SYK: variants seen among roughly 807,000 people sequenced by gnomAD.
SYK encodes spleen associated tyrosine kinase, also known as tyrosine-protein kinase SYK.
Under a neutral mutation model 77.8 loss-of-function variants are expected in SYK, and 16 were observed. That is an observed-to-expected ratio of 0.21 (90% CI 0.14 to 0.31). The LOEUF (loss-of-function observed/expected upper bound fraction) is 0.31, where lower values mean the gene tolerates loss of function less well. SYK is among the 10% of genes least tolerant of loss of function. SYK has a pLI of 1.00. For synonymous variants in SYK, 312 were observed against 308.7 expected (o/e 1.01, Z -0.11); for missense variants, 529 against 814.4 (o/e 0.65, Z 4.26).
At chr9:90,803,645 A>C (rs897986045) in intron 1 of SYK, among the ~76,000 whole-genome samples, 1 of 151,994 alleles carries the variant, frequency 6.6e-6, no homozygotes, top group Non-Finnish European at 1.5e-5. Context: ...TTAATGGAAG[A>C]CTTCTTAGTA....
At chr9:90,825,904 A>G (rs1360429945) in intron 1 of SYK, among the ~76,000 whole-genome samples, 2 of 152,200 alleles carry the variant, frequency 1.3e-5, no homozygotes, top group African/African-American at 2.4e-5. Context: ...TCATAAATGG[A>G]TGGAGCTCTT....
At chr9:90,894,109 C>T (rs1188424984) in intron 13 of SYK, among the ~76,000 whole-genome samples, 2 of 152,208 alleles carry the variant, frequency 1.3e-5, no homozygotes, top group Admixed American at 6.5e-5. Flanking sequence ...CAGATGAACC[C>T]CCAGAGCAAG....
Position 90,843,889 on chromosome 9 carries a change from C to T in SYK, c.-10C>T, listed in dbSNP as rs764454931. ...ACCTGCGCAGGTGTGTGCCCTCCGG[C>T]CCCTGAAGCATGGCCAGCAGCGGCA... On this transcript the variant is annotated 5_prime_UTR_variant, in exon 2 of 14. Coordinates refer to ENST00000375754, the MANE Select transcript of SYK (RefSeq NM_003177.7). 3 of 1,514,498 alleles carry T rather than the reference C, an allele frequency of 2.0e-6. No individual in the cohort carries two copies. The highest frequency in any genetic ancestry group is 4.1e-5 in the Admixed American group (2 of 48,380). The allele number at this position is 1,514,498 out of a possible 1,614,324, so 93.8% of individuals were successfully genotyped here.
chr9:90,831,111 G>A (rs1011685655), intron 1 of SYK, among the ~76,000 whole-genome samples: 3 of 152,186 alleles, frequency 2.0e-5, no homozygotes, highest in Non-Finnish European at 4.4e-5. Context: ...TTGTTTGCAG[G>A]TGATCTTTTC....
In SYK at chr9:90,896,512, C is replaced by G. The variant is rs201656525; in HGVS notation, c.*912C>G. 2 of 233,000 alleles carry G rather than the reference C, an allele frequency of 8.6e-6. No homozygotes were observed. Among genetic ancestry groups the G allele is most frequent in the Non-Finnish European group, 1.7e-5 (2 of 117,966 alleles). 14.4% of individuals were successfully genotyped at this position (233,000 alleles called of 1,614,324 possible). On this transcript the variant is annotated 3_prime_UTR_variant, in exon 14 of 14. Coordinates refer to ENST00000375754, the MANE Select transcript of SYK (RefSeq NM_003177.7). ...AGAGGGTGCCGCCAGAATCCCCTGT[C>G]GCTTTCTGTGTCTGCAATGGGGGGC...
intron 1 of SYK, among the ~76,000 whole-genome samples, chr9:90,807,122 G>T (rs1824869742): frequency 6.6e-6 from 1 of 152,234 alleles, no homozygotes; most frequent in African/African-American, 2.4e-5. Flanking sequence ...CATGCACAGA[G>T]ATTCTCTGAG....
At chr9:90,868,231 C>T (rs1355071723) in intron 7 of SYK, among the ~76,000 whole-genome samples, 1 of 152,180 alleles carries the variant, frequency 6.6e-6, no homozygotes, top group Non-Finnish European at 1.5e-5. Flanking sequence ...AATAAAGTAA[C>T]TATGTCTGTT....
intron 1 of SYK, among the ~76,000 whole-genome samples, chr9:90,837,632 G>A (rs1175010356): frequency 4.6e-5 from 7 of 152,108 alleles, no homozygotes; most frequent in Non-Finnish European, 1.0e-4. Flanking sequence ...TGGATGGAGA[G>A]GTTCCTTGTG....
Position 90,898,376 on chromosome 9 carries a change from G to A in SYK, c.*2776G>A, listed in dbSNP as rs1423147427. 4 of 227,790 alleles carry A rather than the reference G, an allele frequency of 1.8e-5. No individual in the cohort carries two copies. The highest frequency in any genetic ancestry group is 6.3e-5 in the East Asian group (1 of 15,962). 14.1% of individuals were successfully genotyped at this position (227,790 alleles called of 1,614,324 possible). On this transcript the variant is annotated 3_prime_UTR_variant, in exon 14 of 14. Transcript: ENST00000375754. The stretch of plus-strand genomic sequence containing the variant: ...GACATCAGTCCAATGACTGCAAGTC[G>A]GCCTGGATTTTCACTTGCAGAGGCT...
chr9:90,879,688 G>C (rs762788531), intron 11 of SYK, among the ~76,000 whole-genome samples: 3 of 152,230 alleles, frequency 2.0e-5, no homozygotes, highest in Non-Finnish European at 4.4e-5. Context: ...GGAAAGAAGA[G>C]ATCTAGATAG....
chr9:90,874,233 G>C lies in SYK; in HGVS notation c.945G>C (p.Glu315Asp), dbSNP rs562109939. ...KSSPAQGNRQ[E>D]STVSFNPYEP... Reference sequence around the variant, plus strand: ...CCCCTGCCCAAGGGAACCGGCAAGAGAGTACTGTGTCATTCAATCCGTATG... The same window carrying C: ...CCCCTGCCCAAGGGAACCGGCAAGACAGTACTGTGTCATTCAATCCGTATG... Residue 315 changes from glutamate to aspartate, a missense_variant, in exon 8 of 14, where the codon GAG (glutamate) becomes GAC (aspartate). By Grantham distance (45) the Glu-to-Asp change is conservative. Around this residue, in one of 2 missense-constraint regions of SYK, gnomAD observed 321 missense variants for 433.1 expected, o/e 0.74. Coordinates refer to ENST00000375754, the MANE Select transcript of SYK (RefSeq NM_003177.7). 2.7e-5 allele frequency: 43 copies of C among 1,614,192 alleles called. 1 individual carries two copies. The South Asian group carries it at 3.7e-4, about 14-fold the overall frequency.
At chr9:90,885,486 A>G (rs1828529337) in intron 11 of SYK, among the ~76,000 whole-genome samples, 1 of 152,200 alleles carries the variant, frequency 6.6e-6, no homozygotes, top group African/African-American at 2.4e-5. Context: ...AGACAAAAAT[A>G]AAGAGAAAAG....
chr9:90,839,207 C>T (rs983313659), intron 1 of SYK, among the ~76,000 whole-genome samples: 1 of 152,182 alleles, frequency 6.6e-6, no homozygotes, highest in Non-Finnish European at 1.5e-5. Flanking sequence ...CACAGGAACA[C>T]CATGGACATT....
chr9:90,876,055 G>A (rs1394279787), intron 9 of SYK, among the ~76,000 whole-genome samples: 1 of 152,178 alleles, frequency 6.6e-6, no homozygotes, highest in East Asian at 1.9e-4. Flanking sequence ...GGAGGCCAAG[G>A]TAGGTGGATC....
chr9:90,885,057 T>C (rs1040580282), intron 11 of SYK, among the ~76,000 whole-genome samples: 23 of 150,440 alleles, frequency 1.5e-4, no homozygotes, highest in Non-Finnish European at 2.7e-4. Flanking sequence ...TTCAAAAAAC[T>C]GGAAGAAATG....
chr9:90,855,684 GTGT>G (rs1343654001), intron 3 of SYK, among the ~76,000 whole-genome samples: 4 of 151,886 alleles, frequency 2.6e-5, no homozygotes, highest in African/African-American at 9.7e-5. Flanking sequence ...GTGTGTGTGT[GTGT>G]GGGTGTGTGT....
At chr9:90,822,567 C>T (rs760430768) in intron 1 of SYK, among the ~76,000 whole-genome samples, 8 of 152,072 alleles carry the variant, frequency 5.3e-5, no homozygotes, top group Non-Finnish European at 1.0e-4. Flanking sequence ...TAGCAGAGAC[C>T]GATTGTATGG....
In SYK at chr9:90,895,380, G is replaced by A; in HGVS notation, c.1836-148G>A. ...GCCTTGTGGTCACCCTGGGGTGGGGGGCACAGGGACCACGCTGTGAGCTGC... is the reference window on the plus strand; with the variant it reads ...GCCTTGTGGTCACCCTGGGGTGGGGAGCACAGGGACCACGCTGTGAGCTGC... On this transcript the variant is annotated intron_variant, in intron 13 of 13. Coordinates refer to ENST00000375754, the MANE Select transcript of SYK (RefSeq NM_003177.7). This position sits in a 1 kb window ranked among gnomAD's most constrained non-coding sequence, Gnocchi z 4.4. 1 of 741,084 alleles carries A rather than the reference G, an allele frequency of 1.3e-6. No individual in the cohort carries two copies. Among genetic ancestry groups the A allele is most frequent in the Non-Finnish European group, 2.3e-6 (1 of 435,326 alleles). The allele number at this position is 741,084 out of a possible 1,614,324, so 45.9% of individuals were successfully genotyped here.
intron 13 of SYK, among the ~76,000 whole-genome samples, chr9:90,891,273 G>A (rs1223076580): frequency 2.0e-5 from 3 of 151,564 alleles, no homozygotes; most frequent in Non-Finnish European, 2.9e-5. Flanking sequence ...AGCCTCCCGA[G>A]TAGCTGGGAC....
Sources: allele counts gnomAD v4.1 joint callset (sites outside exome capture counted in the v4.1 genomes callset), GRCh38; gene constraint gnomAD v4.1.1; regional missense constraint gnomAD v4.1.1; non-coding constraint Gnocchi (gnomAD v3.1); transcripts MANE v1.5; gene names NCBI Gene and HGNC (gene_info 2026-07-23, HGNC 2026-07-21).